Variants in PTPRD observed in about 807,000 individuals in gnomAD.
PTPRD encodes the protein protein tyrosine phosphatase receptor type D.
Under a neutral mutation model 214.5 loss-of-function variants are expected in PTPRD, and 34 were observed. The observed-to-expected ratio is 0.16, with a 90% CI of 0.12 to 0.21. PTPRD has a LOEUF of 0.21. Among genes scored for constraint, PTPRD ranks in the 10% least tolerant of loss-of-function variants. PTPRD has a pLI of 1.00. For synonymous variants in PTPRD, 1,128 were observed against 845.7 expected, an observed-to-expected ratio of 1.33 and a Z score of -5.79; for missense variants, 2,545 against 2,398.7, an observed-to-expected ratio of 1.06 and a Z score of -1.27.
At chr9:8,381,453 A>G (rs1463393083) in intron 37 of PTPRD, among the ~76,000 whole-genome samples, 3 of 152,182 alleles carry the variant, frequency 2.0e-5, no homozygotes, top group Non-Finnish European at 2.9e-5. Flanking sequence ...TTCTCTTTTA[A>G]CAACAGTGTA....
At chr9:8,813,086 C>A (rs939054391) in intron 11 of PTPRD, among the ~76,000 whole-genome samples, 1 of 152,070 alleles carries the variant, frequency 6.6e-6, no homozygotes, top group African/African-American at 2.4e-5. Flanking sequence ...CCTGGCAGGG[C>A]GCTATCGGTG....
rs369258024 is a variant in PTPRD at position 8,957,898 on chromosome 9, GA to G, written c.-104+60798del. Among the ~76,000 whole-genome samples, 754 of 146,834 alleles carry G rather than the reference GA, an allele frequency of 5.1e-3. 9 individuals carry two copies. Among genetic ancestry groups the G allele is most frequent in the African/African-American group, 0.018 (706 of 40,196 alleles). ...AGAAAAGAATGCTATAGTCCCAAAT[GA>G]AAAAAAAAATATCATTCTCAGAAAA... On this transcript the variant is annotated intron_variant, in intron 11 of 45. Transcript: ENST00000381196.
At chr9:10,576,902 C>G (rs745402527) in intron 2 of PTPRD, among the ~76,000 whole-genome samples, 1 of 152,012 alleles carries the variant, frequency 6.6e-6, no homozygotes, top group Non-Finnish European at 1.5e-5. Flanking sequence ...CCAACACTCA[C>G]CCTTATATTT....
chr9:9,993,763 TC>T (rs1182374458), intron 4 of PTPRD, among the ~76,000 whole-genome samples: 1 of 69,478 alleles, frequency 1.4e-5, no homozygotes, highest in Non-Finnish European at 3.2e-5. Flanking sequence ...GAGTTAGACA[TC>T]TGTGATTTTT....
At chr9:10,097,208 C>T (rs1335251910) in intron 3 of PTPRD, among the ~76,000 whole-genome samples, 1 of 147,106 alleles carries the variant, frequency 6.8e-6, no homozygotes, top group African/African-American at 2.5e-5. Flanking sequence ...TTAGGATTGA[C>T]TTGGTAATGC....
Position 8,713,522 on chromosome 9 carries a change from C to G in PTPRD, c.64+20258G>C, listed in dbSNP as rs1290568588. ...TACTGTGGTCAGGTGTTTGAGAAGT[C>G]CCCGCTGCGGGTGAAGAACTTCGGG... is the stretch of plus-strand genomic sequence containing the variant. On this transcript the variant is annotated intron_variant, in intron 12 of 45. Coordinates refer to ENST00000381196, the MANE Select transcript of PTPRD (RefSeq NM_002839.4). 19 of 1,220,026 alleles carry G rather than the reference C, an allele frequency of 1.6e-5. No homozygotes were observed. In the African/African-American group the frequency reaches 2.8e-4, roughly 18 times the overall value. 75.6% of individuals were successfully genotyped at this position (1,220,026 alleles called of 1,614,324 possible).
chr9:9,228,040 A>G (rs1343725592), intron 9 of PTPRD, among the ~76,000 whole-genome samples: 1 of 152,166 alleles, frequency 6.6e-6, no homozygotes. Context: ...GGCTGTCTAT[A>G]TCATGTCAGT....
intron 11 of PTPRD, among the ~76,000 whole-genome samples, chr9:8,870,347 C>T (rs993530080): frequency 6.6e-6 from 1 of 152,082 alleles, no homozygotes; most frequent in African/African-American, 2.4e-5. Context: ...CTTGTAATTA[C>T]TCCTAATCCA....
chr9:8,673,393 A>T (rs1226813357), intron 12 of PTPRD, among the ~76,000 whole-genome samples: 1 of 152,174 alleles, frequency 6.6e-6, no homozygotes, highest in South Asian at 2.1e-4. Flanking sequence ...GACTGAGTCT[A>T]TATTCTGCAC....
chr9:8,552,083 G>C (rs1300376254), intron 14 of PTPRD, among the ~76,000 whole-genome samples: 1 of 152,112 alleles, frequency 6.6e-6, no homozygotes, highest in Non-Finnish European at 1.5e-5. Context: ...CTGGACCAGA[G>C]GCCTGTGACC....
At chr9:8,878,563 G>A (rs1053488263) in intron 11 of PTPRD, among the ~76,000 whole-genome samples, 2 of 151,722 alleles carry the variant, frequency 1.3e-5, no homozygotes, top group African/African-American at 4.8e-5. Flanking sequence ...GTCTCACTGT[G>A]TAGACTAGCC....
At chr9:10,526,865 A>G (rs1468777461) in intron 2 of PTPRD, among the ~76,000 whole-genome samples, 1 of 152,138 alleles carries the variant, frequency 6.6e-6, no homozygotes, top group Non-Finnish European at 1.5e-5. Flanking sequence ...TAAGGCAAGC[A>G]TAATATGTGT....
intron 2 of PTPRD, among the ~76,000 whole-genome samples, chr9:10,350,090 A>C (rs568276889): frequency 1.3e-5 from 2 of 152,360 alleles, no homozygotes; most frequent in South Asian, 2.1e-4. Context: ...ACTATTGATT[A>C]GACAATACTT....
chr9:8,959,329 G>A (rs983071248), intron 11 of PTPRD, among the ~76,000 whole-genome samples: 24 of 152,000 alleles, frequency 1.6e-4, no homozygotes, highest in African/African-American at 5.6e-4. Context: ...GGGGATCTCT[G>A]AGAAACTGAC....
intron 6 of PTPRD, among the ~76,000 whole-genome samples, chr9:9,737,734 C>G (rs915209014): frequency 6.6e-6 from 1 of 152,182 alleles, no homozygotes; most frequent in African/African-American, 2.4e-5. Flanking sequence ...TGTTTATTCA[C>G]TAGCCGAAGG....
In PTPRD at chr9:8,930,133, C is replaced by G. The variant is rs1477254267; in HGVS notation, c.-104+88564G>C. Among the ~76,000 whole-genome samples, 6 of 151,098 alleles carry G rather than the reference C, an allele frequency of 4.0e-5. No individual in the cohort carries two copies. The East Asian group carries it at 9.7e-4, about 25-fold the overall frequency. ...ACCCCCCCCCACACCACAACAGGCC[C>G]CAGTGTGTGATGTTCCCCTTCCTGT... On this transcript the variant is annotated intron_variant, in intron 11 of 45. Coordinates refer to ENST00000381196, the MANE Select transcript of PTPRD (RefSeq NM_002839.4).
At chr9:9,832,800 T>G (rs1482137089) in intron 5 of PTPRD, among the ~76,000 whole-genome samples, 1 of 151,948 alleles carries the variant, frequency 6.6e-6, no homozygotes, top group African/African-American at 2.4e-5. Context: ...GGACCAGGAT[T>G]ACATGCTGAC....
chr9:8,743,006 C>G (rs955965120), intron 11 of PTPRD, among the ~76,000 whole-genome samples: 8 of 151,692 alleles, frequency 5.3e-5, no homozygotes, highest in Admixed American at 5.3e-4. Flanking sequence ...ACTACCTGCC[C>G]CCCAACAAGA....
At chr9:8,415,085 T>G (rs894182116) in intron 35 of PTPRD, among the ~76,000 whole-genome samples, 3 of 152,078 alleles carry the variant, frequency 2.0e-5, no homozygotes, top group African/African-American at 7.2e-5. Flanking sequence ...AATACCTATC[T>G]CCAATTATCT....
Sources: gnomAD v4.1 joint callset for allele counts (sites outside exome capture counted in the v4.1 genomes callset) on GRCh38, gnomAD v4.1.1 for gene constraint, MANE v1.5 for transcripts, NCBI Gene and HGNC (gene_info 2026-07-23, HGNC 2026-07-21) for gene names.